The following ASAP1 variants were observed in gnomAD, a reference collection of about 807,000 sequenced individuals.
ASAP1 encodes the protein arf-GAP with SH3 domain, ANK repeat and PH domain-containing protein 1.
A neutral mutation model predicts 145.2 loss-of-function variants in ASAP1; 43 were observed. The observed-to-expected ratio is 0.30, with a 90% confidence interval of 0.23 to 0.38. The LOEUF (loss-of-function observed/expected upper bound fraction) is 0.38, where lower values mean the gene tolerates loss of function less well. ASAP1 is among the 10% of genes least tolerant of loss of function. ASAP1 has a pLI of 1.00. For missense variants in ASAP1, 1,018 were observed against 1,355.3 expected (o/e 0.75, Z 3.91); for synonymous variants, 546 against 515.5 (o/e 1.06, Z -0.80).
chr8:130,170,529 T>C (rs1004857264), intron 9 of ASAP1, among the ~76,000 whole-genome samples: 3 of 152,184 alleles, frequency 2.0e-5, no homozygotes, highest in African/African-American at 7.2e-5. Flanking sequence ...CACAGGCTAT[T>C]AGAAGTGGCC....
chr8:130,206,522 A>G (rs183814034), intron 5 of ASAP1, among the ~76,000 whole-genome samples: 5 of 152,280 alleles, frequency 3.3e-5, no homozygotes, highest in Admixed American at 6.5e-5. Flanking sequence ...AGGAAATGCT[A>G]TGCAGATGGA....
intron 3 of ASAP1, among the ~76,000 whole-genome samples, chr8:130,249,581 C>G (rs185520505): frequency 6.6e-6 from 1 of 152,180 alleles, no homozygotes; most frequent in Non-Finnish European, 1.5e-5. Flanking sequence ...CACTGCCCCC[C>G]TTCCCCAATT....
chr8:130,372,618 T>A (rs1447368469), intron 2 of ASAP1, among the ~76,000 whole-genome samples: 2 of 152,246 alleles, frequency 1.3e-5, no homozygotes, highest in African/African-American at 4.8e-5. Context: ...ATGACATAAG[T>A]GAGGATGAAA....
At chr8:130,074,486 C>G (rs56382712) in intron 27 of ASAP1, among the ~76,000 whole-genome samples, 38,355 of 140,362 alleles carry the variant, frequency 0.27, 6,003 homozygotes, top group Middle Eastern at 0.32. Flanking sequence ...CACACACACA[C>G]AGAGAGAACG....
At chr8:130,064,543 G>A (rs535876586) in intron 27 of ASAP1, among the ~76,000 whole-genome samples, 4 of 152,062 alleles carry the variant, frequency 2.6e-5, no homozygotes, top group Admixed American at 6.5e-5. Flanking sequence ...TCCTCTAACC[G>A]TGCTTTTCCC....
intron 2 of ASAP1, among the ~76,000 whole-genome samples, chr8:130,371,725 G>GA (rs1827222657): frequency 6.6e-6 from 1 of 152,198 alleles, no homozygotes; most frequent in African/African-American, 2.4e-5. Flanking sequence ...AAAGAGAGTA[G>GA]AACCAGGGAA....
intron 28 of ASAP1, among the ~76,000 whole-genome samples, chr8:130,059,815 C>T (rs1014086727): frequency 6.6e-6 from 1 of 152,052 alleles, no homozygotes; most frequent in Admixed American, 6.6e-5. Flanking sequence ...CAGTGGCTCA[C>T]GCCTGTAATC....
At chr8:130,219,411 AC>A (rs1817152027) in intron 4 of ASAP1, among the ~76,000 whole-genome samples, 1 of 152,188 alleles carries the variant, frequency 6.6e-6, no homozygotes, top group Non-Finnish European at 1.5e-5. Flanking sequence ...ACTGCAGAGT[AC>A]AGTAAGCCAT....
At chr8:130,080,070 A>G in intron 25 of ASAP1, 99 bp from the exon 26 acceptor site, 1 of 1,104,664 alleles carries the variant, frequency 9.1e-7, no homozygotes, top group Non-Finnish European at 1.4e-6. Context: ...CTCAGGTTCC[A>G]GAACGGCATT....
intron 3 of ASAP1, among the ~76,000 whole-genome samples, chr8:130,278,469 T>C (rs1469687145): frequency 6.6e-6 from 1 of 152,122 alleles, no homozygotes; most frequent in Non-Finnish European, 1.5e-5. Context: ...AACAAAGAAA[T>C]TACCCAGAGA....
chr8:130,391,127 G>A (rs981476555), intron 2 of ASAP1, among the ~76,000 whole-genome samples: 3 of 152,024 alleles, frequency 2.0e-5, no homozygotes, highest in Non-Finnish European at 4.4e-5. Context: ...TTTGATACAT[G>A]GTATAATAAG....
At chr8:130,437,038 G>A (rs981791430) in intron 1 of ASAP1, among the ~76,000 whole-genome samples, 9 of 150,046 alleles carry the variant, frequency 6.0e-5, no homozygotes, top group Non-Finnish European at 2.9e-5. Context: ...CCGGGAGGGA[G>A]CAGTTGCAGT....
chr8:130,111,576 G>A (rs559848845), intron 24 of ASAP1, among the ~76,000 whole-genome samples: 70 of 152,294 alleles, frequency 4.6e-4, no homozygotes, highest in Non-Finnish European at 8.5e-4. Flanking sequence ...AGTACTAGGC[G>A]TAGAGCCTCT....
chr8:130,125,815 T>A lies in ASAP1; in HGVS notation c.1515+141A>T, dbSNP rs187207507. 3.3e-3 allele frequency: 2,612 copies of A among 791,838 alleles called. 4 individuals are homozygous for A. Among genetic ancestry groups the A allele is most frequent in the Non-Finnish European group, 4.4e-3 (2,368 of 538,156 alleles). 49.1% of individuals were successfully genotyped at this position (791,838 alleles called of 1,614,324 possible). A position where few individuals can be genotyped will look rare whatever the true frequency, so the allele number is the denominator to read the frequency against. ...GCATTACATACCACAAAAGTTACATTTTAAACGTCTACGCAAACTCACAAA... is the reference window on the plus strand; with the variant it reads ...GCATTACATACCACAAAAGTTACATATTAAACGTCTACGCAAACTCACAAA... On this transcript the variant is annotated intron_variant, in intron 17 of 29. Transcript: ENST00000518721.
rs200344901 is a variant in ASAP1 at position 130,123,997 on chromosome 8, T to C, written c.1607+16A>G. On this transcript the variant is annotated intron_variant, in intron 18 of 29. Transcript: ENST00000518721. The stretch of plus-strand genomic sequence containing the variant: ...TAGAATGGTTTAAAAAAGTTCAATA[T>C]ATCAGAAATACTTACATATCACTTG... The C allele has an allele frequency of 1.3e-6, 2 of 1,574,558 alleles. No homozygotes were observed. The highest frequency in any genetic ancestry group is 1.4e-5 in the African/African-American group (1 of 73,536).
chr8:130,437,963 T>C (rs1438580798), intron 1 of ASAP1, among the ~76,000 whole-genome samples: 2 of 152,148 alleles, frequency 1.3e-5, no homozygotes, highest in Non-Finnish European at 2.9e-5. Flanking sequence ...CTTAGGGCAG[T>C]GAAGGAAGAG....
At chr8:130,071,791 G>A (rs374478872) in intron 27 of ASAP1, among the ~76,000 whole-genome samples, 11 of 152,234 alleles carry the variant, frequency 7.2e-5, no homozygotes, top group African/African-American at 1.2e-4. Context: ...ATCATCCTGG[G>A]AGACATTCAT....
chr8:130,067,329 C>A (rs62524624), intron 27 of ASAP1, among the ~76,000 whole-genome samples: 80 of 152,314 alleles, frequency 5.3e-4, no homozygotes, highest in Non-Finnish European at 9.3e-4. Flanking sequence ...AGGCCTCCTA[C>A]AGCTTTCCTT....
intron 2 of ASAP1, among the ~76,000 whole-genome samples, chr8:130,388,296 C>T (rs1828118165): frequency 6.6e-6 from 1 of 152,122 alleles, no homozygotes; most frequent in African/African-American, 2.4e-5. Flanking sequence ...TCTTTGTAGG[C>T]CACGGTAAGA....
Sources: allele counts gnomAD v4.1 joint callset (sites outside exome capture counted in the v4.1 genomes callset), GRCh38; gene constraint gnomAD v4.1.1; transcripts MANE v1.5; gene names NCBI Gene and HGNC (gene_info 2026-07-23, HGNC 2026-07-21).